Variants in COL15A1 observed in about 807,000 individuals in gnomAD.
The protein encoded by COL15A1 is collagen alpha-1(XV) chain.
COL15A1 carries 111 observed loss-of-function variants against 165.9 expected under a neutral mutation model. The observed-to-expected ratio is 0.67, with a 90% confidence interval of 0.57 to 0.78. The LOEUF is 0.78. Among genes scored for constraint, COL15A1 ranks in the 30% least tolerant of loss-of-function variants. The pLI, the probability that COL15A1 is intolerant of heterozygous loss-of-function variation, is 0.00. For synonymous variants in COL15A1, 659 were observed against 674.8 expected (o/e 0.98, Z 0.36); for missense variants, 1,745 against 1,789.7 (o/e 0.98, Z 0.45).
Position 99,036,177 on chromosome 9 carries a change from A to G in COL15A1, c.2297A>G (p.Lys766Arg). The part of the protein sequence containing the change: ...LSRPTAAIGL[K>R]GEKGDRGPKG... The stretch of plus-strand genomic sequence containing the variant: ...TTTTGTTTATTTTTCCAGGGTCTCA[A>G]AGGAGAGAAAGGAGACCGGGGACCC... The change falls in exon 20 of 42, where the codon AAA becomes AGA. Residue 766 changes from lysine (K) to arginine (R), a missense_variant. Coordinates refer to ENST00000375001, the MANE Select transcript of COL15A1 (RefSeq NM_001855.5). The G allele has an allele frequency of 6.2e-7, 1 of 1,612,148 alleles. No homozygotes were observed. Among genetic ancestry groups the G allele is most frequent in the Non-Finnish European group, 8.5e-7 (1 of 1,178,268 alleles).
At chr9:99,066,598 T>G (rs922294513) in intron 39 of COL15A1, among the ~76,000 whole-genome samples, 7 of 131,372 alleles carry the variant, frequency 5.3e-5, no homozygotes, top group African/African-American at 1.8e-4. Context: ...TATTTTGTTC[T>G]GTTTTTTTTT....
At position 99,058,560 on chromosome 9, in the gene COL15A1, G is replaced by T. The variant is rs1236377155; in HGVS notation, c.3338-1329G>T. ...TCCACAGCAACACTACATTAGGGCT[G>T]CCGGGATGCCTTGCTGCATTGAGCA... On this transcript the variant is annotated intron_variant, in intron 35 of 41. Coordinates refer to ENST00000375001, the MANE Select transcript of COL15A1 (RefSeq NM_001855.5). 4.6e-5 allele frequency among the ~76,000 whole-genome samples: 7 copies of T among 152,340 alleles called. No homozygotes were observed. The South Asian group carries it at 8.3e-4, about 18-fold the overall frequency.
chr9:98,957,962 G>A (rs1837804325), intron 2 of COL15A1, among the ~76,000 whole-genome samples: 1 of 152,148 alleles, frequency 6.6e-6, no homozygotes, highest in Non-Finnish European at 1.5e-5. Context: ...TGTTCTCTAT[G>A]CCACCAGCAC....
chr9:99,012,470 T>C (rs966706632), intron 9 of COL15A1, among the ~76,000 whole-genome samples: 2 of 152,196 alleles, frequency 1.3e-5, no homozygotes, highest in African/African-American at 4.8e-5. Flanking sequence ...ACAGCAGACT[T>C]AAAGCAGGCA....
intron 2 of COL15A1, among the ~76,000 whole-genome samples, chr9:98,957,667 C>A (rs1837799437): frequency 6.6e-6 from 1 of 151,868 alleles, no homozygotes; most frequent in Non-Finnish European, 1.5e-5. Flanking sequence ...GGTTATTTCT[C>A]TCTCTCTCTC....
In COL15A1 at chr9:99,011,423, A is replaced by ATAAAAAC. The variant is rs1554688115; in HGVS notation, c.1354-3994_1354-3993insTAAAAAC. Among the ~76,000 whole-genome samples, 14 of 135,184 alleles carry ATAAAAAC rather than the reference A, an allele frequency of 1.0e-4. 1 individual carries two copies. The highest frequency in any genetic ancestry group is 3.7e-4 in the African/African-American group (13 of 35,474). 88.7% of individuals were successfully genotyped at this position (135,184 alleles called of 152,430 possible). Reference sequence around the variant, plus strand: ...CTCTTTCTGAAAAAAAAAAAAAAAAAAGTCATTTTATTCTAGGACAAAATT... The same window carrying ATAAAAAC: ...CTCTTTCTGAAAAAAAAAAAAAAAAATAAAAACAGTCATTTTATTCTAGGACAAAATT... On this transcript the variant is annotated intron_variant, in intron 9 of 41. Transcript: ENST00000375001.
intron 2 of COL15A1, among the ~76,000 whole-genome samples, chr9:98,962,303 C>T (rs928920063): frequency 6.6e-5 from 10 of 152,184 alleles, no homozygotes; most frequent in African/African-American, 2.2e-4. Context: ...ATGGTTGTAC[C>T]CGTGAGACGT....
At position 99,066,950 on chromosome 9, in the gene COL15A1, G is replaced by A; in HGVS notation, c.3720G>A (p.Gln1240=). 1 of 1,614,142 alleles carries A rather than the reference G, an allele frequency of 6.2e-7. No individual in the cohort carries two copies. Among genetic ancestry groups the A allele is most frequent in the South Asian group, 1.1e-5 (1 of 91,080 alleles). The change falls in exon 40 of 42, where the codon CAG becomes CAA. Residue 1240 remains glutamine (Q), a synonymous_variant. Coordinates refer to ENST00000375001, the MANE Select transcript of COL15A1 (RefSeq NM_001855.5). ...GAGCTGATTTTCAGTGCTTCAAGCA[G>A]GCCAGAGCTGCAGGACTGTTGTCCA... ...DIRADFQCFK[Q]ARAAGLLSTY...
At chr9:98,987,629 T>C (rs1325130957) in intron 4 of COL15A1, among the ~76,000 whole-genome samples, 2 of 152,234 alleles carry the variant, frequency 1.3e-5, no homozygotes, top group African/African-American at 4.8e-5. Flanking sequence ...TCCCGCCTTC[T>C]TGCCAAGAAA....
At chr9:98,954,913 C>A (rs1837750919) in intron 2 of COL15A1, among the ~76,000 whole-genome samples, 1 of 152,190 alleles carries the variant, frequency 6.6e-6, no homozygotes, top group South Asian at 2.1e-4. Context: ...GCTCCTCCCA[C>A]CCTCCCTCTC....
chr9:99,057,217 C>G (rs989492103), intron 35 of COL15A1, among the ~76,000 whole-genome samples: 1 of 152,216 alleles, frequency 6.6e-6, no homozygotes, highest in Non-Finnish European at 1.5e-5. Flanking sequence ...ATGGTATCCT[C>G]ATTGTATCTT....
In COL15A1 at chr9:98,997,022, C is replaced by G; in HGVS notation, c.893C>G (p.Pro298Arg). The G allele has an allele frequency of 6.2e-7, 1 of 1,614,178 alleles. No homozygotes were observed. Among genetic ancestry groups the G allele is most frequent in the Non-Finnish European group, 8.5e-7 (1 of 1,180,038 alleles). ...EDMELSGEPV[P>R]EGTLETTNMS... Reference sequence around the variant, plus strand: ...ATGGAACTTTCTGGTGAACCTGTACCCGAGGGGACCCTGGAAACCACCAAC... The same window carrying G: ...ATGGAACTTTCTGGTGAACCTGTACGCGAGGGGACCCTGGAAACCACCAAC... The change falls in exon 6 of 42, where the codon CCC becomes CGC. Residue 298 changes from proline to arginine, a missense_variant. Coordinates refer to ENST00000375001, the MANE Select transcript of COL15A1 (RefSeq NM_001855.5).
chr9:98,951,297 C>T (rs1837683298), intron 2 of COL15A1, among the ~76,000 whole-genome samples: 1 of 152,208 alleles, frequency 6.6e-6, no homozygotes, highest in Non-Finnish European at 1.5e-5. Flanking sequence ...AGAACTCACC[C>T]ATCAAAGAAC....
intron 6 of COL15A1, among the ~76,000 whole-genome samples, chr9:98,999,750 G>A (rs750767693): frequency 2.6e-5 from 4 of 151,734 alleles, no homozygotes; most frequent in Non-Finnish European, 4.4e-5. Context: ...GAACTCCTGA[G>A]CTCAAATGAT....
chr9:98,947,164 A>C (rs866845543), intron 2 of COL15A1, among the ~76,000 whole-genome samples: 1 of 152,252 alleles, frequency 6.6e-6, no homozygotes, highest in East Asian at 1.9e-4. Context: ...TTAGCTGGTG[A>C]ATAGATAAAC....
At chr9:99,010,494 A>C (rs141849783) in intron 9 of COL15A1, among the ~76,000 whole-genome samples, 2 of 152,346 alleles carry the variant, frequency 1.3e-5, no homozygotes, top group African/African-American at 4.8e-5. Context: ...GGAGTGGAAG[A>C]AGGGGTCAGC....
chr9:99,015,387 G>C, intron 9 of COL15A1, 30 bp from the exon 10 acceptor site: 1 of 1,572,674 alleles, frequency 6.4e-7, no homozygotes, highest in Non-Finnish European at 8.7e-7. Context: ...GGGCGAAGGG[G>C]CACAGCTCCT....
intron 2 of COL15A1, among the ~76,000 whole-genome samples, chr9:98,953,972 G>C (rs527337295): frequency 1.6e-4 from 25 of 152,320 alleles, no homozygotes; most frequent in Admixed American, 1.4e-3. Flanking sequence ...GCTGTCCCAG[G>C]CACTCTCTGG....
At chr9:99,016,970 C>T (rs1308851356) in intron 11 of COL15A1, among the ~76,000 whole-genome samples, 3 of 152,238 alleles carry the variant, frequency 2.0e-5, no homozygotes, top group Non-Finnish European at 4.4e-5. Flanking sequence ...ATGCCCCTTG[C>T]TCCGGGGCCT....
Sources: gnomAD v4.1 joint callset for allele counts (sites outside exome capture counted in the v4.1 genomes callset) on GRCh38, gnomAD v4.1.1 for gene constraint, MANE v1.5 for transcripts, NCBI Gene and HGNC (gene_info 2026-07-23, HGNC 2026-07-21) for gene names.